STOX1: variants seen among roughly 807,000 people sequenced by gnomAD.
The protein encoded by STOX1 is storkhead-box protein 1.
STOX1 carries 57 observed loss-of-function variants against 74.8 expected under a neutral mutation model. The ratio of observed to expected loss-of-function variants is 0.76; its 90% CI spans 0.62 to 0.95. The LOEUF (loss-of-function observed/expected upper bound fraction) is 0.95, where lower values mean the gene tolerates loss of function less well. STOX1 is among the 40% of genes least tolerant of loss of function. STOX1 has a pLI of 0.00. For synonymous variants in STOX1, 375 were observed against 401.3 expected (o/e 0.93, Z 0.78); for missense variants, 1,010 against 1,117.0 (o/e 0.90, Z 1.37).
In STOX1 at chr10:68,857,618, C is replaced by T. The variant is rs137859892; in HGVS notation, c.311-24340C>T. On this transcript the variant is annotated intron_variant, in intron 1 of 3. Coordinates refer to ENST00000298596, the MANE Select transcript of STOX1 (RefSeq NM_152709.5). ...AGTTTGCAGTGACATTTATCCTAAA[C>T]CCAATTCTTAAAAGACAAAGATTCT... 4.6e-3 allele frequency among the ~76,000 whole-genome samples: 699 copies of T among 152,216 alleles called. 8 individuals carry two copies. The highest frequency in any genetic ancestry group is 0.016 in the African/African-American group (648 of 41,462).
Position 68,885,301 on chromosome 10 carries a change from A to AC in STOX1, c.1507dup (p.Arg503ProfsTer16). On this transcript the variant is annotated frameshift_variant, in exon 3 of 4. Coordinates refer to ENST00000298596, the MANE Select transcript of STOX1 (RefSeq NM_152709.5). LOFTEE classifies it high-confidence loss of function. ...AGTAATCCTTTCCAGGGTTTGTCTC[A>AC]CCGAGGAAGCACAATATCCAAAGGG... is the stretch of plus-strand genomic sequence containing the variant. 1 of 1,614,208 alleles carries AC rather than the reference A, an allele frequency of 6.2e-7. No individual in the cohort carries two copies. The highest frequency in any genetic ancestry group is 8.5e-7 in the Non-Finnish European group (1 of 1,180,046).
Position 68,827,752 on chromosome 10 carries a change from C to T in STOX1, c.129C>T (p.Ala43=), listed in dbSNP as rs1197322914. ...CGGTGTTCCGCGCTTTCCGTCGCGC[C>T]AACGCGCGCTGCTTCTGGAACGCGC... The part of the protein sequence containing the change: ...GRAVFRAFRR[A]NARCFWNARL... Residue 43 remains alanine (A), a synonymous_variant, in exon 1 of 4, where the codon GCC becomes GCT. Coordinates refer to ENST00000298596, the MANE Select transcript of STOX1 (RefSeq NM_152709.5). The T allele has an allele frequency of 5.3e-6, 4 of 761,904 alleles. No homozygotes were observed. Among genetic ancestry groups the T allele is most frequent in the Non-Finnish European group, 6.3e-6 (4 of 632,012 alleles). The allele number at this position is 761,904 out of a possible 1,614,324, so 47.2% of individuals were successfully genotyped here.
intron 1 of STOX1, among the ~76,000 whole-genome samples, chr10:68,867,573 T>C (rs56677619): frequency 0.011 from 1,647 of 152,182 alleles, 32 homozygotes; most frequent in African/African-American, 0.037. Context: ...ATTGAGGGGG[T>C]GCCAAGGGGC....
chr10:68,838,601 C>T (rs1839617055), intron 1 of STOX1, among the ~76,000 whole-genome samples: 1 of 151,880 alleles, frequency 6.6e-6, no homozygotes, highest in African/African-American at 2.4e-5. Flanking sequence ...GTAGGACTTC[C>T]AGTAATATGT....
chr10:68,872,676 C>A (rs1468761094), intron 1 of STOX1, among the ~76,000 whole-genome samples: 6 of 152,090 alleles, frequency 3.9e-5, no homozygotes, highest in Non-Finnish European at 5.9e-5. Context: ...GAATTTAATT[C>A]TATGACAAAT....
chr10:68,846,119 T>TTTTTTTTTTTTA (rs1167242930), intron 1 of STOX1, among the ~76,000 whole-genome samples: 1 of 135,848 alleles, frequency 7.4e-6, no homozygotes, highest in Non-Finnish European at 1.6e-5. Context: ...GCTTGAGGTT[T>TTTTTTTTTTTTA]TTATTATTAT....
chr10:68,886,008 G>A lies in STOX1; in HGVS notation c.2212G>A (p.Glu738Lys), dbSNP rs201562997. The A allele has an allele frequency of 6.2e-6, 10 of 1,614,188 alleles. No individual in the cohort carries two copies. Among genetic ancestry groups the A allele is most frequent in the Non-Finnish European group, 8.5e-6 (10 of 1,180,040 alleles). ...TGGTGCCTGTAGTTCATTATATCTA[G>A]AGGAGGATGACATTTCTGAGAATGA... ...DDGACSSLYL[E>K]EDDISENDDL... The change falls in exon 3 of 4, where the codon GAG (glutamate) becomes AAG (lysine). Residue 738 changes from glutamate to lysine, a missense_variant. Coordinates refer to ENST00000298596, the MANE Select transcript of STOX1 (RefSeq NM_152709.5).
intron 3 of STOX1, among the ~76,000 whole-genome samples, chr10:68,890,822 T>A (rs1464522986): frequency 6.6e-6 from 1 of 152,048 alleles, no homozygotes; most frequent in Non-Finnish European, 1.5e-5. Context: ...AGCTAATTTT[T>A]GTATTTTTAG....
Position 68,891,523 on chromosome 10 carries a change from G to T in STOX1, c.2823-1066G>T, listed in dbSNP as rs191321266. On this transcript the variant is annotated intron_variant, in intron 3 of 3. Coordinates refer to ENST00000298596, the MANE Select transcript of STOX1 (RefSeq NM_152709.5). ...AGGGAATGTCGAAAAGCAAAAATAG[G>T]CTGGACGCAGTGGCTCACGCCTGTA... Among the ~76,000 whole-genome samples, 6 of 152,270 alleles carry T rather than the reference G, an allele frequency of 3.9e-5. No homozygotes were observed. The East Asian group carries it at 9.7e-4, about 25-fold the overall frequency.
chr10:68,838,199 T>A (rs1839608082), intron 1 of STOX1, among the ~76,000 whole-genome samples: 1 of 152,018 alleles, frequency 6.6e-6, no homozygotes, highest in South Asian at 2.1e-4. Flanking sequence ...CTCCAGTAGC[T>A]GGGACTGCAG....
At chr10:68,880,163 CCT>C (rs1491337300) in intron 1 of STOX1, among the ~76,000 whole-genome samples, 36 of 67,220 alleles carry the variant, frequency 5.4e-4, no homozygotes, top group Non-Finnish European at 8.5e-4. Context: ...TTCTTTCTTT[CCT>C]TTTTTTTTTT....
At chr10:68,853,737 G>T (rs914342466) in intron 1 of STOX1, among the ~76,000 whole-genome samples, 8 of 151,822 alleles carry the variant, frequency 5.3e-5, no homozygotes, top group African/African-American at 1.9e-4. Flanking sequence ...CCAGGCTGGA[G>T]TGCAATGGCA....
At chr10:68,841,064 CAGCCTCCTGAGTAGCTGG>C (rs1366637799) in intron 1 of STOX1, among the ~76,000 whole-genome samples, 1 of 152,006 alleles carries the variant, frequency 6.6e-6, no homozygotes, top group African/African-American at 2.4e-5. Flanking sequence ...TCTCCTGCTT[CAGCCTCCTGAGTAGCTGG>C]ACTACAGGTG....
intron 1 of STOX1, among the ~76,000 whole-genome samples, chr10:68,851,668 C>G (rs571565391): frequency 6.6e-6 from 1 of 151,986 alleles, no homozygotes; most frequent in Non-Finnish European, 1.5e-5. Context: ...TGGTGAAACC[C>G]TGTCTCTATT....
chr10:68,841,672 G>C (rs1839695350), intron 1 of STOX1, among the ~76,000 whole-genome samples: 1 of 152,166 alleles, frequency 6.6e-6, no homozygotes, highest in South Asian at 2.1e-4. Flanking sequence ...AGTTCAGTGT[G>C]TTTGGATACC....
Position 68,885,811 on chromosome 10 carries a change from TG to T in STOX1, c.2017del (p.Asp673IlefsTer6), listed in dbSNP as rs780606533. ...CACCAGTTTCAAAATCTTGGCCTTT[TG>T]GATTACCCAGTTGGCGTGAACCCTT... ...TIHQFQNLGL[L>X]DYPVGVNPLR... On this transcript the variant is annotated frameshift_variant, in exon 3 of 4. Coordinates refer to ENST00000298596, the MANE Select transcript of STOX1 (RefSeq NM_152709.5). LOFTEE classifies it high-confidence loss of function. 6.2e-7 allele frequency: 1 copy of T among 1,614,064 alleles called. No individual in the cohort carries two copies. Among genetic ancestry groups the T allele is most frequent in the Admixed American group, 1.7e-5 (1 of 60,022 alleles).
chr10:68,846,161 A>ATTATTATTATTATTC (rs1284069687), intron 1 of STOX1, among the ~76,000 whole-genome samples: 1 of 136,026 alleles, frequency 7.4e-6, no homozygotes, highest in Non-Finnish European at 1.6e-5. Context: ...TATTATTATT[A>ATTATTATTATTATTC]TTTGAGACGG....
chr10:68,861,899 T>C (rs1033015474), intron 1 of STOX1, among the ~76,000 whole-genome samples: 11 of 152,142 alleles, frequency 7.2e-5, no homozygotes, highest in Non-Finnish European at 1.3e-4. Context: ...TTTCTATTCA[T>C]GCTCTGATTC....
At chr10:68,837,623 A>G (rs1839587444) in intron 1 of STOX1, among the ~76,000 whole-genome samples, 1 of 152,178 alleles carries the variant, frequency 6.6e-6, no homozygotes, top group Non-Finnish European at 1.5e-5. Context: ...TGGAAGGGTG[A>G]TGTAAGCCCC....
Sources: gnomAD v4.1 joint callset for allele counts (sites outside exome capture counted in the v4.1 genomes callset) on GRCh38, gnomAD v4.1.1 for gene constraint, MANE v1.5 for transcripts, NCBI Gene and HGNC (gene_info 2026-07-23, HGNC 2026-07-21) for gene names.